Variants in CLYBL observed in about 807,000 individuals in gnomAD.
CLYBL encodes the protein citramalyl-CoA lyase, also known as citramalyl-CoA lyase, mitochondrial.
In CLYBL, 31 loss-of-function variants were observed where a neutral mutation model predicts 38.9. The ratio of observed to expected loss-of-function variants is 0.80; its 90% CI spans 0.60 to 1.08. The LOEUF is 1.08. Ranked by LOEUF, CLYBL falls within the 50% of genes least tolerant of loss-of-function variation. CLYBL has a pLI of 0.00. For synonymous variants in CLYBL, 171 were observed against 158.6 expected (o/e 1.08, Z -0.59); for missense variants, 434 against 411.6 (o/e 1.05, Z -0.47).
At chr13:99,747,004 T>G (rs1156334042) in intron 1 of CLYBL, among the ~76,000 whole-genome samples, 1 of 152,172 alleles carries the variant, frequency 6.6e-6, no homozygotes, top group Non-Finnish European at 1.5e-5. Flanking sequence ...AGCGCAGGTT[T>G]CCCTCTTGAC....
intron 1 of CLYBL, among the ~76,000 whole-genome samples, chr13:99,642,832 C>T (rs1175583223): frequency 6.6e-6 from 1 of 151,806 alleles, no homozygotes; most frequent in East Asian, 1.9e-4. Flanking sequence ...AATCTTGGCT[C>T]ACTGCAGCCT....
intron 1 of CLYBL, among the ~76,000 whole-genome samples, chr13:99,722,906 C>A (rs972805472): frequency 6.6e-6 from 1 of 152,244 alleles, no homozygotes; most frequent in East Asian, 1.9e-4. Flanking sequence ...TTTACTTCCC[C>A]CTTTCTCCCC....
intron 1 of CLYBL, among the ~76,000 whole-genome samples, chr13:99,683,897 CTCACTCTG>C (rs1204551735): frequency 2.7e-5 from 4 of 148,106 alleles, no homozygotes; most frequent in Non-Finnish European, 4.5e-5. Context: ...GAGACAGAGT[CTCACTCTG>C]TCACCCAGGC....
intron 1 of CLYBL, among the ~76,000 whole-genome samples, chr13:99,688,270 TGTTTTAGGGGCC>T (rs1167487623): frequency 6.6e-6 from 1 of 152,150 alleles, no homozygotes; most frequent in Non-Finnish European, 1.5e-5. Context: ...TCGCTGTGTG[TGTTTTAGGGGCC>T]GTTTTAGGTT....
chr13:99,671,501 T>C (rs1354672516), intron 1 of CLYBL, among the ~76,000 whole-genome samples: 2 of 152,100 alleles, frequency 1.3e-5, no homozygotes, highest in Non-Finnish European at 2.9e-5. Context: ...TACTGTAGGC[T>C]GGGCACGATG....
chr13:99,787,708 TTAAAG>T (rs2049827324), intron 2 of CLYBL, among the ~76,000 whole-genome samples: 2 of 152,196 alleles, frequency 1.3e-5, no homozygotes, highest in South Asian at 2.1e-4. Context: ...CATATGAACT[TTAAAG>T]TAGTTTTTTC....
chr13:99,770,166 C>A (rs2049355845), intron 1 of CLYBL, among the ~76,000 whole-genome samples: 1 of 149,238 alleles, frequency 6.7e-6, no homozygotes, highest in Non-Finnish European at 1.5e-5. Flanking sequence ...CTGCTCACTG[C>A]AACCTCCACC....
intron 1 of CLYBL, among the ~76,000 whole-genome samples, chr13:99,767,803 A>T (rs950109812): frequency 1.3e-5 from 2 of 152,156 alleles, no homozygotes. Flanking sequence ...TATCTTTTTA[A>T]GTTTTCTATC....
At chr13:99,877,202 C>T (rs1318799285) in intron 7 of CLYBL, among the ~76,000 whole-genome samples, 1 of 152,228 alleles carries the variant, frequency 6.6e-6, no homozygotes, top group Non-Finnish European at 1.5e-5. Flanking sequence ...CCCAGAGTCA[C>T]ACTCTCAGTT....
intron 1 of CLYBL, among the ~76,000 whole-genome samples, chr13:99,706,894 C>T (rs1391220913): frequency 1.3e-5 from 2 of 152,196 alleles, no homozygotes; most frequent in Admixed American, 6.5e-5. Flanking sequence ...CCTTGACCTC[C>T]TGGGCTGAAG....
chr13:99,681,789 T>C (rs2047738450), intron 1 of CLYBL, among the ~76,000 whole-genome samples: 2 of 152,112 alleles, frequency 1.3e-5, no homozygotes, highest in Non-Finnish European at 2.9e-5. Flanking sequence ...GTTTCACCAG[T>C]TGGCCAGGCT....
rs143935568 is a variant in CLYBL at position 99,904,951 on chromosome 13, C to A, written c.*25-319C>A. On this transcript the variant is annotated intron_variant and NMD_transcript_variant, in intron 8 of 9. Coordinates refer to the CLYBL transcript ENST00000689673. ...CTTTGAGCCATCTTTGCAGAGACAG[C>A]TTTTCCCACCCTGCCTCCCCCAGAA... Among the ~76,000 whole-genome samples the A allele has an allele frequency of 2.0e-3, 307 of 152,282 alleles. 1 individual carries two copies. The highest frequency in any genetic ancestry group is 6.6e-3 in the African/African-American group (274 of 41,568).
At chr13:99,797,601 A>G (rs1447792215) in intron 2 of CLYBL, among the ~76,000 whole-genome samples, 1 of 43,546 alleles carries the variant, frequency 2.3e-5, no homozygotes, top group African/African-American at 1.7e-4. Context: ...TTTAAACAAC[A>G]CTCCACAGCT....
chr13:99,653,969 G>C (rs1266622423), intron 1 of CLYBL, among the ~76,000 whole-genome samples: 1 of 152,154 alleles, frequency 6.6e-6, no homozygotes, highest in East Asian at 1.9e-4. Context: ...CTTGAAACAT[G>C]GTTAGGTGGT....
chr13:99,768,128 T>A (rs140014017), intron 1 of CLYBL, among the ~76,000 whole-genome samples: 21 of 152,088 alleles, frequency 1.4e-4, no homozygotes, highest in Non-Finnish European at 2.5e-4. Flanking sequence ...GTATACTGTG[T>A]GTATGCTGAG....
chr13:99,765,483 C>CT (rs374147930), intron 1 of CLYBL, among the ~76,000 whole-genome samples: 20 of 151,144 alleles, frequency 1.3e-4, no homozygotes, highest in South Asian at 2.1e-4. Context: ...TTTTGTTTCT[C>CT]TTTTTTTTTG....
At chr13:99,764,819 T>C (rs2049235642) in intron 1 of CLYBL, among the ~76,000 whole-genome samples, 1 of 151,792 alleles carries the variant, frequency 6.6e-6, no homozygotes, top group South Asian at 2.1e-4. Flanking sequence ...ATCTGGGTAC[T>C]ATAGGCATGC....
At chr13:99,846,801 G>GAAGT (rs1184533574) in intron 2 of CLYBL, among the ~76,000 whole-genome samples, 1 of 152,206 alleles carries the variant, frequency 6.6e-6, no homozygotes, top group African/African-American at 2.4e-5. Flanking sequence ...GCACCTTAGA[G>GAAGT]AAGTGTTGTA....
At chr13:99,642,917 C>T (rs1474351893) in intron 1 of CLYBL, 1 of 152,834 alleles carries the variant, frequency 6.5e-6, no homozygotes, top group Non-Finnish European at 1.5e-5. Flanking sequence ...CACCACCACG[C>T]CTGGCTAATT....
Sources: gnomAD v4.1 joint callset for allele counts (sites outside exome capture counted in the v4.1 genomes callset) on GRCh38, gnomAD v4.1.1 for gene constraint, MANE v1.5 for transcripts, NCBI Gene and HGNC (gene_info 2026-07-23, HGNC 2026-07-21) for gene names.